The following CELF4 variants were observed in gnomAD, a reference collection of about 807,000 sequenced individuals.
CELF4 encodes the protein CUG-BP- and ETR-3-like factor 4.
A neutral mutation model predicts 59.9 loss-of-function variants in CELF4; 18 were observed. The observed-to-expected ratio is 0.30, with a 90% confidence interval of 0.21 to 0.45. The LOEUF (loss-of-function observed/expected upper bound fraction) is 0.45. Among genes scored for constraint, CELF4 ranks in the 20% least tolerant of loss-of-function variants. The probability of loss-of-function intolerance (pLI) is 1.00; values close to 1 mark genes in which losing one functional copy is unlikely to be tolerated. For missense variants in CELF4, 456 were observed against 689.0 expected (o/e 0.66, Z 3.79); for synonymous variants, 261 against 267.1 (o/e 0.98, Z 0.22).
rs2062271290 is a variant in CELF4, at chr18:37,246,648, G to T, written c.*45-1451C>A. ...AAATAGCCTAACTGGAAAAAGACCA[G>T]ACCTAGGAAAGTGTCAATTGAAAAA... On this transcript the variant is annotated intron_variant, in intron 12 of 12. Coordinates refer to ENST00000420428, the MANE Select transcript of CELF4 (RefSeq NM_020180.4). The surrounding 1 kb of genome is among the most constrained non-coding windows in gnomAD (Gnocchi z 5.3). Among the ~76,000 whole-genome samples, 1 of 151,780 alleles carries T rather than the reference G, an allele frequency of 6.6e-6. No homozygotes were observed. The highest frequency in any genetic ancestry group is 2.1e-4 in the South Asian group (1 of 4,812).
At chr18:37,497,802 G>C (rs2099926913) in intron 1 of CELF4, among the ~76,000 whole-genome samples, 1 of 152,100 alleles carries the variant, frequency 6.6e-6, no homozygotes, top group Middle Eastern at 3.2e-3. Flanking sequence ...ACTGATTTTT[G>C]GTTGTATTTT....
At chr18:37,332,445 C>T (rs1256254290) in intron 2 of CELF4, among the ~76,000 whole-genome samples, 1 of 152,212 alleles carries the variant, frequency 6.6e-6, no homozygotes, top group East Asian at 1.9e-4. Context: ...GCGGCCCTGA[C>T]ATAGCCTGCT....
intron 2 of CELF4, among the ~76,000 whole-genome samples, chr18:37,472,091 G>A (rs540218056): frequency 1.6e-3 from 251 of 152,368 alleles, no homozygotes; most frequent in Non-Finnish European, 2.5e-3. Flanking sequence ...GGTGAACAGG[G>A]AGTGGAGAAG....
intron 2 of CELF4, among the ~76,000 whole-genome samples, chr18:37,426,713 C>T (rs1373258713): frequency 1.3e-5 from 2 of 152,130 alleles, no homozygotes; most frequent in African/African-American, 4.8e-5. Flanking sequence ...CGGCCCTGTT[C>T]CCTTAAAAGT....
At chr18:37,425,653 G>A (rs1012682031) in intron 2 of CELF4, among the ~76,000 whole-genome samples, 1 of 152,270 alleles carries the variant, frequency 6.6e-6, no homozygotes, top group Non-Finnish European at 1.5e-5. Flanking sequence ...CAGGGAGAAA[G>A]CTCATAGAGA....
chr18:37,370,243 G>C (rs966675207), intron 2 of CELF4, among the ~76,000 whole-genome samples: 1 of 152,146 alleles, frequency 6.6e-6, no homozygotes, highest in African/African-American at 2.4e-5. Flanking sequence ...TCCCGAGCCC[G>C]AGGGGAAGGA....
chr18:37,517,870 C>A (rs1291322597), intron 1 of CELF4, among the ~76,000 whole-genome samples: 2 of 152,172 alleles, frequency 1.3e-5, no homozygotes, highest in Non-Finnish European at 1.5e-5. Flanking sequence ...ACACAGGATT[C>A]CCCGTGGCAG....
chr18:37,380,885 G>A (rs1049653150), intron 2 of CELF4, among the ~76,000 whole-genome samples: 1 of 144,154 alleles, frequency 6.9e-6, no homozygotes, highest in African/African-American at 2.6e-5. Flanking sequence ...AATCAATCCA[G>A]TATCCATCAT....
In CELF4 at chr18:37,507,656, A is replaced by G. The variant is rs569912254; in HGVS notation, c.287-22049T>C. On this transcript the variant is annotated intron_variant, in intron 1 of 12. Transcript: ENST00000420428. ...ACTTTAAATCGGGCTCCTCCTAGAG[A>G]AGGCAGCTGTGAGAGAGCAGACCTG... 5.3e-4 allele frequency among the ~76,000 whole-genome samples: 80 copies of G among 152,278 alleles called. 1 individual carries two copies. Among genetic ancestry groups the G allele is most frequent in the African/African-American group, 1.8e-3 (75 of 41,548 alleles).
intron 1 of CELF4, among the ~76,000 whole-genome samples, chr18:37,514,313 G>C (rs1244122679): frequency 6.6e-6 from 1 of 152,120 alleles, no homozygotes; most frequent in Non-Finnish European, 1.5e-5. Flanking sequence ...ATTACAATGG[G>C]AACCAAAGCT....
intron 1 of CELF4, among the ~76,000 whole-genome samples, chr18:37,552,973 T>A (rs1377865331): frequency 6.6e-6 from 1 of 152,240 alleles, no homozygotes; most frequent in Non-Finnish European, 1.5e-5. Flanking sequence ...TTTCTCGCAC[T>A]GAGACATCAC....
At chr18:37,293,753 T>C (rs755814011) in intron 3 of CELF4, among the ~76,000 whole-genome samples, 3 of 152,178 alleles carry the variant, frequency 2.0e-5, no homozygotes, top group Non-Finnish European at 2.9e-5. Context: ...TAAGAGGTTA[T>C]CTGATGGGCT....
intron 2 of CELF4, among the ~76,000 whole-genome samples, chr18:37,485,192 G>C (rs1603642377): frequency 6.6e-6 from 1 of 151,894 alleles, no homozygotes; most frequent in African/African-American, 2.4e-5. Context: ...AGCGGCCCGC[G>C]TCGACTCGAT....
At chr18:37,496,754 A>G (rs966860985) in intron 1 of CELF4, among the ~76,000 whole-genome samples, 2 of 152,186 alleles carry the variant, frequency 1.3e-5, no homozygotes, top group South Asian at 4.1e-4. Flanking sequence ...TTGGCCATTT[A>G]AGCCACTGTT....
intron 2 of CELF4, among the ~76,000 whole-genome samples, chr18:37,444,652 A>ACACACACACACGCG (rs71168259): frequency 1.6e-4 from 23 of 144,078 alleles, no homozygotes; most frequent in African/African-American, 6.0e-4. Flanking sequence ...ACACACACAC[A>ACACACACACACGCG]CGCGAACGAT....
At chr18:37,370,925 G>A (rs1007335002) in intron 2 of CELF4, among the ~76,000 whole-genome samples, 6 of 152,124 alleles carry the variant, frequency 3.9e-5, no homozygotes, top group African/African-American at 1.4e-4. Context: ...CCTCCTCCTG[G>A]ATGTCACACG....
At chr18:37,381,984 T>C (rs559013422) in intron 2 of CELF4, among the ~76,000 whole-genome samples, 1 of 152,308 alleles carries the variant, frequency 6.6e-6, no homozygotes, top group African/African-American at 2.4e-5. Context: ...GGAGGAGCCT[T>C]GGACTGGGAA....
intron 2 of CELF4, among the ~76,000 whole-genome samples, chr18:37,382,748 A>G (rs1002213312): frequency 2.0e-5 from 3 of 152,124 alleles, no homozygotes; most frequent in Admixed American, 6.5e-5. Context: ...CAAACGTAAA[A>G]TATTTACAGT....
chr18:37,388,725 G>A (rs1010781539), intron 2 of CELF4, among the ~76,000 whole-genome samples: 1 of 152,152 alleles, frequency 6.6e-6, no homozygotes, highest in African/African-American at 2.4e-5. Context: ...CATGGGAGTA[G>A]GGGGCCTCCC....
Sources: allele counts gnomAD v4.1 joint callset (sites outside exome capture counted in the v4.1 genomes callset), GRCh38; gene constraint gnomAD v4.1.1; non-coding constraint Gnocchi (gnomAD v3.1); transcripts MANE v1.5; gene names NCBI Gene and HGNC (gene_info 2026-07-23, HGNC 2026-07-21).